The following PCDH11Y variants were observed in gnomAD, a reference collection of about 807,000 sequenced individuals.
The protein encoded by PCDH11Y is protocadherin-11 Y-linked.
For missense variants in PCDH11Y, 12 were observed against 224.8 expected, an observed-to-expected ratio of 0.05 and a Z score of 6.05; for synonymous variants, 9 against 83.6, an observed-to-expected ratio of 0.11 and a Z score of 4.87.
chrY:5,487,041 C>T, intron 2 of PCDH11Y, among the ~76,000 whole-genome samples: 1 of 25,738 alleles, frequency 3.9e-5, no homozygotes, highest in Non-Finnish European at 8.7e-5. Context: ...TGTGAGCCAC[C>T]GAACCTGGCC....
chrY:5,599,202 A>T, intron 4 of PCDH11Y, among the ~76,000 whole-genome samples: 1 of 32,030 alleles, frequency 3.1e-5, no homozygotes, highest in African/African-American at 1.2e-4. Flanking sequence ...AGAAAATGTA[A>T]ATTATCTATT....
At chrY:5,497,804 C>A in intron 2 of PCDH11Y, among the ~76,000 whole-genome samples, 1 of 33,970 alleles carries the variant, frequency 2.9e-5, no homozygotes, top group East Asian at 8.0e-4. Context: ...AGGAGTAATT[C>A]ACGCAGAGTT....
chrY:5,045,473 C>A (rs2052633436), intron 3 of PCDH11Y, among the ~76,000 whole-genome samples: 2 of 32,941 alleles, frequency 6.1e-5, no homozygotes, highest in Admixed American at 2.8e-4. Flanking sequence ...GTTTCTGCCG[C>A]GAGATCTGCT....
At chrY:5,077,948 G>T (rs2052712351) in intron 1 of PCDH11Y, among the ~76,000 whole-genome samples, 2 of 30,956 alleles carry the variant, frequency 6.5e-5, no homozygotes, top group Non-Finnish European at 1.6e-4. Flanking sequence ...AATGTGTGCC[G>T]TGGTGATTTG....
At chrY:5,462,475 C>T in intron 2 of PCDH11Y, among the ~76,000 whole-genome samples, 1 of 32,487 alleles carries the variant, frequency 3.1e-5, no homozygotes, top group Non-Finnish European at 7.5e-5. Context: ...GTAGGATTCT[C>T]ATCCTGGTCT....
chrY:5,407,172 A>G (rs2053239616), intron 2 of PCDH11Y, among the ~76,000 whole-genome samples: 1 of 30,539 alleles, frequency 3.3e-5, no homozygotes, highest in African/African-American at 1.3e-4. Context: ...TTGAACTAAA[A>G]GTAATTAACA....
At chrY:5,326,128 C>T (rs1247563717) in intron 2 of PCDH11Y, among the ~76,000 whole-genome samples, 2 of 33,111 alleles carry the variant, frequency 6.0e-5, no homozygotes, top group South Asian at 1.3e-3. Flanking sequence ...TGTTATCAGA[C>T]GGTATAGAGG....
chrY:5,600,853 A>C (rs2053472139), intron 4 of PCDH11Y, among the ~76,000 whole-genome samples: 1 of 32,112 alleles, frequency 3.1e-5, no homozygotes, highest in South Asian at 7.2e-4. Context: ...GAGAAATAAG[A>C]GGGGTATTTA....
intron 4 of PCDH11Y, among the ~76,000 whole-genome samples, chrY:5,600,732 G>C: frequency 3.1e-5 from 1 of 31,939 alleles, no homozygotes; most frequent in Admixed American, 3.0e-4. Flanking sequence ...CTGGGCTTCA[G>C]AAATAAGTAT....
chrY:5,325,937 G>A, intron 2 of PCDH11Y, among the ~76,000 whole-genome samples: 1 of 33,143 alleles, frequency 3.0e-5, no homozygotes, highest in Non-Finnish European at 7.4e-5. Flanking sequence ...TCTGAGAAGG[G>A]AAAGTGATAA....
At chrY:5,644,752 T>C in intron 4 of PCDH11Y, among the ~76,000 whole-genome samples, 1 of 28,844 alleles carries the variant, frequency 3.5e-5, no homozygotes, top group Non-Finnish European at 8.1e-5. Context: ...GAGAATTGCT[T>C]GAACCCAGGA....
intron 2 of PCDH11Y, among the ~76,000 whole-genome samples, chrY:5,145,725 T>C: frequency 3.0e-5 from 1 of 33,627 alleles, no homozygotes; most frequent in East Asian, 8.0e-4. Flanking sequence ...CACCATTCTA[T>C]TGGCATATAT....
chrY:5,562,271 C>T, intron 3 of PCDH11Y, among the ~76,000 whole-genome samples: 3 of 33,717 alleles, frequency 8.9e-5, no homozygotes, highest in African/African-American at 2.3e-4. Flanking sequence ...ACAGCATAGG[C>T]ATGCTCTGAT....
intron 3 of PCDH11Y, among the ~76,000 whole-genome samples, chrY:5,513,451 T>A: frequency 2.9e-5 from 1 of 34,112 alleles, no homozygotes; most frequent in Admixed American, 2.7e-4. Context: ...AAGCTCTTCA[T>A]TTCTAGGAAA....
intron 3 of PCDH11Y, among the ~76,000 whole-genome samples, chrY:5,521,685 A>G: frequency 3.5e-5 from 1 of 28,401 alleles, no homozygotes; most frequent in Non-Finnish European, 8.3e-5. Flanking sequence ...TCGTAAAAGC[A>G]GTTTGTCAAT....
chrY:5,050,389 C>G, intron 3 of PCDH11Y, among the ~76,000 whole-genome samples: 1 of 33,628 alleles, frequency 3.0e-5, no homozygotes, highest in African/African-American at 1.1e-4. Context: ...GATTCTGGTG[C>G]TATATCTCAT....
At chrY:5,004,742 C>T (rs2052537469) in intron 1 of PCDH11Y, among the ~76,000 whole-genome samples, 1 of 33,960 alleles carries the variant, frequency 2.9e-5, no homozygotes, top group Non-Finnish European at 7.3e-5. Flanking sequence ...GAGGTGTCAT[C>T]CCTGTATTTG....
chrY:5,621,235 T>A (rs2053499757), intron 4 of PCDH11Y, among the ~76,000 whole-genome samples: 1 of 32,349 alleles, frequency 3.1e-5, no homozygotes, highest in Non-Finnish European at 7.5e-5. Flanking sequence ...ATCGCTAGCA[T>A]CCTTATACAC....
downstream of PCDH11Y, among the ~76,000 whole-genome samples, chrY:5,105,615 G>A (rs1602868107): frequency 1.6e-3 from 31 of 19,179 alleles, no homozygotes; most frequent in Non-Finnish European, 1.3e-3. Flanking sequence ...GCGACAAAGC[G>A]AGACTCCGTC....
Sources: gnomAD v4.1 joint callset for allele counts (sites outside exome capture counted in the v4.1 genomes callset) on GRCh38, gnomAD v4.1.1 for gene constraint, MANE v1.5 for transcripts, NCBI Gene and HGNC (gene_info 2026-07-23, HGNC 2026-07-21) for gene names.